Variants in ZSCAN10 observed in about 807,000 individuals in gnomAD.
ZSCAN10 encodes zinc finger and SCAN domain-containing protein 10.
In ZSCAN10, 52 loss-of-function variants were observed where a neutral mutation model predicts 63.7. The ratio of observed to expected loss-of-function variants is 0.82; its 90% CI spans 0.65 to 1.03. The LOEUF is 1.03. ZSCAN10 is among the 50% of genes least tolerant of loss of function. The probability of loss-of-function intolerance (pLI) is 0.00; values close to 1 mark genes in which losing one functional copy is unlikely to be tolerated. For missense variants in ZSCAN10, 1,223 were observed against 1,103.8 expected, an observed-to-expected ratio of 1.11 and a Z score of -1.53; for synonymous variants, 544 against 479.6, an observed-to-expected ratio of 1.13 and a Z score of -1.76.
chr16:3,094,089 T>C (rs904237248), intron 1 of ZSCAN10, among the ~76,000 whole-genome samples: 1 of 152,230 alleles, frequency 6.6e-6, no homozygotes, highest in African/African-American at 2.4e-5. Context: ...CACGGCTCAC[T>C]GCAGCCTTGA....
intron 5 of ZSCAN10, 54 bp downstream of exon 5, chr16:3,091,486 G>C: frequency 6.3e-7 from 1 of 1,585,150 alleles, no homozygotes; most frequent in Non-Finnish European, 8.7e-7. Flanking sequence ...CTTTAAAAAA[G>C]ACAAGAAAAG....
chr16:3,090,120 G>T lies in ZSCAN10; in HGVS notation c.1314C>A (p.Gly438=). 6.2e-7 allele frequency: 1 copy of T among 1,600,726 alleles called. No individual in the cohort carries two copies. The part of the protein sequence containing the change: ...SEPAFLCAEC[G]RGFQRRASLV... ...GGCTGGCGCGGCGCTGGAAGCCGCG[G>T]CCGCACTCTGCGCACAGGAAGGCGG... Residue 438 remains glycine, a synonymous_variant, in exon 6 of 6, where the codon GGC becomes GGA. Coordinates refer to ENST00000576985, the MANE Select transcript of ZSCAN10 (RefSeq NM_032805.3).
rs1389846645 is a variant in ZSCAN10, at chr16:3,091,664, G to T, written c.730-67C>A. 5.6e-6 allele frequency: 9 copies of T among 1,610,586 alleles called. No homozygotes were observed. In the East Asian group the frequency reaches 2.0e-4, roughly 36 times the overall value. On this transcript the variant is annotated intron_variant, in intron 4 of 5. Transcript: ENST00000576985. ...CTCAGGAACCTGTGGGGACTGAAAT[G>T]CTTCCTAGGACTGAATCAGGGAAGG...
chr16:3,092,408 C>A, intron 2 of ZSCAN10, 92 bp from the exon 3 acceptor site: 4 of 1,517,552 alleles, frequency 2.6e-6, no homozygotes, highest in South Asian at 2.6e-5. Context: ...AGGTTAGAGT[C>A]AGCCAGGGGA....
intron 1 of ZSCAN10, among the ~76,000 whole-genome samples, chr16:3,093,943 C>T (rs1009151104): frequency 2.6e-5 from 4 of 152,218 alleles, no homozygotes; most frequent in African/African-American, 9.6e-5. Flanking sequence ...ACCTCAGTCT[C>T]CCAAATTGCT....
chr16:3,095,514 C>CAAAA (rs35286530), intron 1 of ZSCAN10, among the ~76,000 whole-genome samples: 13 of 132,452 alleles, frequency 9.8e-5, no homozygotes, highest in African/African-American at 3.7e-4. Flanking sequence ...GACTCCGTCT[C>CAAAA]AAAAAAAAAA....
chr16:3,089,038 T>G lies in ZSCAN10; in HGVS notation c.*53A>C. On this transcript the variant is annotated 3_prime_UTR_variant, in exon 6 of 6. Coordinates refer to ENST00000576985, the MANE Select transcript of ZSCAN10 (RefSeq NM_032805.3). ...GGGACATTCCTGCAGGCCTCCGCTG[T>G]GGAGGACCCCGGGTAGGTGGCGCAG... 6.9e-7 allele frequency: 1 copy of G among 1,439,502 alleles called. No individual in the cohort carries two copies. 89.2% of individuals were successfully genotyped at this position (1,439,502 alleles called of 1,614,324 possible).
Position 3,089,348 on chromosome 16 carries a change from C to A in ZSCAN10, c.2086G>T (p.Gly696Cys). The A allele has an allele frequency of 6.3e-7, 1 of 1,594,284 alleles. No homozygotes were observed. The highest frequency in any genetic ancestry group is 8.5e-7 in the Non-Finnish European group (1 of 1,175,548). The change falls in exon 6 of 6, where the codon GGT becomes TGT. Residue 696 changes from glycine (G) to cysteine (C), a missense_variant. Coordinates refer to ENST00000576985, the MANE Select transcript of ZSCAN10 (RefSeq NM_032805.3). ...TGCGCGTTGCGCCGGAAGCTGCGACCGCACGTCTGACAGCTGTAGGGCCGC... is the reference window on the plus strand; with the variant it reads ...TGCGCGTTGCGCCGGAAGCTGCGACAGCACGTCTGACAGCTGTAGGGCCGC... ...GERPYSCQTC[G>C]RSFRRNAHLR...
In ZSCAN10 at chr16:3,089,586, G is replaced by T; in HGVS notation, c.1848C>A (p.Gly616=). The T allele has an allele frequency of 6.3e-7, 1 of 1,586,442 alleles. No homozygotes were observed. The highest frequency in any genetic ancestry group is 1.3e-5 in the African/African-American group (1 of 74,116). The change falls in exon 6 of 6, where the codon GGC becomes GGA. Residue 616 remains glycine, a synonymous_variant. Coordinates refer to ENST00000576985, the MANE Select transcript of ZSCAN10 (RefSeq NM_032805.3). ...GGTGGCGGGCCAGATCCTGGGTCTGGCCGAAACTCTTCCCGCACTGGGTGC... is the reference window on the plus strand; with the variant it reads ...GGTGGCGGGCCAGATCCTGGGTCTGTCCGAAACTCTTCCCGCACTGGGTGC... ...HHCTQCGKSF[G]QTQDLARHQR...
intron 5 of ZSCAN10, 62 bp downstream of exon 5, chr16:3,091,478 T>TC: frequency 6.3e-7 from 1 of 1,577,852 alleles, no homozygotes; most frequent in Non-Finnish European, 8.7e-7. Flanking sequence ...TTCCATCTCT[T>TC]TAAAAAAGAC....
chr16:3,095,245 T>G (rs1957138499), intron 1 of ZSCAN10, among the ~76,000 whole-genome samples: 1 of 151,188 alleles, frequency 6.6e-6, no homozygotes, highest in Admixed American at 6.6e-5. Context: ...GGGCAGGGTG[T>G]GGTGGCTCAC....
In ZSCAN10 at chr16:3,089,660, T is replaced by C. The variant is rs1424508408; in HGVS notation, c.1774A>G (p.Ser592Gly). ...TGGGTCAGCAGGTGGCGGGCAAGGC[T>C]GGCCCGGCGCACAAAGCGCTTCCCG... Reference protein sequence around the residue: ...QCGKRFVRRASLARHLLTHGG... With the variant: ...QCGKRFVRRAGLARHLLTHGG... Residue 592 changes from serine to glycine, a missense_variant, in exon 6 of 6, where the codon AGC (serine) becomes GGC (glycine). Transcript: ENST00000576985. The C allele has an allele frequency of 7.5e-6, 12 of 1,593,306 alleles. No individual in the cohort carries two copies. The highest frequency in any genetic ancestry group is 9.4e-6 in the Non-Finnish European group (11 of 1,170,416).
At chr16:3,097,462 G>T (rs888082006) in intron 1 of ZSCAN10, among the ~76,000 whole-genome samples, 4 of 152,200 alleles carry the variant, frequency 2.6e-5, no homozygotes, top group Non-Finnish European at 5.9e-5. Context: ...GGTGTTGAGG[G>T]GCTTCCTAGC....
chr16:3,092,485 G>T (rs375912218), intron 2 of ZSCAN10, 57 bp downstream of exon 2: 2 of 1,451,224 alleles, frequency 1.4e-6, no homozygotes, highest in South Asian at 1.4e-5. Flanking sequence ...TTCCTCACTG[G>T]GGGGATCAAG....
rs1346434323 is a variant in ZSCAN10 at position 3,090,185 on chromosome 16, A to C, written c.1249T>G (p.Ser417Ala). The C allele has an allele frequency of 6.2e-7, 1 of 1,605,292 alleles. No individual in the cohort carries two copies. The change falls in exon 6 of 6, where the codon TCG becomes GCG. Residue 417 changes from serine to alanine, a missense_variant. By Grantham distance (99) the Ser-to-Ala change is moderately conservative. Coordinates refer to ENST00000576985, the MANE Select transcript of ZSCAN10 (RefSeq NM_032805.3). ...HLCGHRFRQS[S>A]HLSKHLLTHS... ...GTCAGCAGGTGCTTGCTCAGGTGCG[A>C]GCTCTGGCGGAAGCGGTGGCCGCAC...
In ZSCAN10 at chr16:3,089,693, G is replaced by C; in HGVS notation, c.1741C>G (p.Pro581Ala). The change falls in exon 6 of 6, where the codon CCG becomes GCG. Residue 581 changes from proline to alanine, a missense_variant. By Grantham distance (27) the Pro-to-Ala change is conservative (BLOSUM62 -1). Transcript: ENST00000576985. The part of the protein sequence containing the change: ...VHTGEKPYAC[P>A]QCGKRFVRRA... ...CGCACAAAGCGCTTCCCGCACTGCG[G>C]ACAGGCGTAGGGCTTCTCGCCCGTG... is the stretch of plus-strand genomic sequence containing the variant. The C allele has an allele frequency of 6.2e-7, 1 of 1,604,124 alleles. No individual in the cohort carries two copies. The highest frequency in any genetic ancestry group is 1.1e-5 in the South Asian group (1 of 90,434).
intron 1 of ZSCAN10, among the ~76,000 whole-genome samples, chr16:3,094,256 C>G (rs1469577324): frequency 1.3e-5 from 2 of 152,200 alleles, no homozygotes; most frequent in African/African-American, 4.8e-5. Context: ...TCAAGTGATC[C>G]ACCTGCCTCA....
In ZSCAN10 at chr16:3,088,932, G is replaced by C; in HGVS notation, c.*159C>G. 3.8e-6 allele frequency: 5 copies of C among 1,326,378 alleles called. No individual in the cohort carries two copies. The highest frequency in any genetic ancestry group is 4.8e-6 in the Non-Finnish European group (5 of 1,031,520). 82.2% of individuals were successfully genotyped at this position (1,326,378 alleles called of 1,614,324 possible). On this transcript the variant is annotated 3_prime_UTR_variant, in exon 6 of 6. Transcript: ENST00000576985. ...TTACTTCGGGCGTTTTAATTACATA[G>C]CTGAGGCCAGAAAGCAATGCCTCGG...
At chr16:3,096,928 C>CAAA (rs34786703) in intron 1 of ZSCAN10, among the ~76,000 whole-genome samples, 6 of 105,196 alleles carry the variant, frequency 5.7e-5, no homozygotes, top group African/African-American at 1.9e-4. Flanking sequence ...GACTCTGCCT[C>CAAA]AAAAAAAAAA....
Sources: gnomAD v4.1 joint callset for allele counts (sites outside exome capture counted in the v4.1 genomes callset) on GRCh38, gnomAD v4.1.1 for gene constraint, MANE v1.5 for transcripts, NCBI Gene and HGNC (gene_info 2026-07-23, HGNC 2026-07-21) for gene names.